The following APPL1 variants were observed in gnomAD, a reference collection of about 807,000 sequenced individuals.
APPL1 encodes DCC-interacting protein 13-alpha.
APPL1 carries 42 observed loss-of-function variants against 106.8 expected under a neutral mutation model. The ratio of observed to expected loss-of-function variants is 0.39; its 90% confidence interval spans 0.31 to 0.51. The LOEUF (loss-of-function observed/expected upper bound fraction) is 0.51. APPL1 is among the 20% of genes least tolerant of loss of function. The pLI, the probability that APPL1 is intolerant of heterozygous loss-of-function variation, is 0.75. For synonymous variants in APPL1, 263 were observed against 281.8 expected (o/e 0.93, Z 0.67); for missense variants, 769 against 858.2 (o/e 0.90, Z 1.30).
Position 57,250,514 on chromosome 3 carries a change from T to A in APPL1, c.1052+966T>A, listed in dbSNP as rs1022840799. Among the ~76,000 whole-genome samples, 5 of 152,314 alleles carry A rather than the reference T, an allele frequency of 3.3e-5. No homozygotes were observed. The East Asian group carries it at 9.6e-4, about 29-fold the overall frequency. On this transcript the variant is annotated intron_variant, in intron 11 of 21. Transcript: ENST00000288266. ...AAATTTTCAAAAAGCATGGAAAATG[T>A]AAAAAGGAGTATGAAAAAATCCTAC...
Position 57,248,115 on chromosome 3 carries a change from C to T in APPL1, c.705-78C>T, listed in dbSNP as rs544071143. 15 of 1,429,556 alleles carry T rather than the reference C, an allele frequency of 1.0e-5. No homozygotes were observed. In the African/African-American group the frequency reaches 1.7e-4, roughly 16 times the overall value. 88.6% of individuals were successfully genotyped at this position (1,429,556 alleles called of 1,614,324 possible). Reference sequence around the variant, plus strand: ...TCTCTTTAAGAAAACATACCCGAAACAAATATGCAGGTAAACATGATTGGT... The same window carrying T: ...TCTCTTTAAGAAAACATACCCGAAATAAATATGCAGGTAAACATGATTGGT... On this transcript the variant is annotated intron_variant, in intron 9 of 21. Transcript: ENST00000288266.
At position 57,227,844 on chromosome 3, in the gene APPL1, C is replaced by A; in HGVS notation, c.-40C>A. 1.4e-6 allele frequency: 2 copies of A among 1,439,662 alleles called. No homozygotes were observed. Among genetic ancestry groups the A allele is most frequent in the Admixed American group, 2.3e-5 (1 of 43,970 alleles). The allele number at this position is 1,439,662 out of a possible 1,614,324, so 89.2% of individuals were successfully genotyped here. On this transcript the variant is annotated 5_prime_UTR_variant, in exon 1 of 22. Coordinates refer to ENST00000288266, the MANE Select transcript of APPL1 (RefSeq NM_012096.3). ...GCGGGCCGGCGCGGGGAGCTGTGGG[C>A]GGCAGCTGCGTCTCCTGCCACCGCC...
intron 21 of APPL1, 95 bp from the exon 22 acceptor site, chr3:57,269,446 C>A: frequency 8.9e-7 from 1 of 1,128,034 alleles, no homozygotes; most frequent in Non-Finnish European, 1.2e-6. Context: ...ATATTTATGA[C>A]AGAAGAAGTG....
At chr3:57,269,413 C>A in intron 21 of APPL1, 128 bp from the exon 22 acceptor site, 1 of 866,802 alleles carries the variant, frequency 1.2e-6, no homozygotes, top group Non-Finnish European at 1.6e-6. Context: ...TTCTTTTTAT[C>A]AAGTTGTCAG....
intron 15 of APPL1, 53 bp downstream of exon 15, chr3:57,257,481 C>T: frequency 1.4e-6 from 2 of 1,406,582 alleles, no homozygotes; most frequent in Non-Finnish European, 9.5e-7. Context: ...GGCTTATAAT[C>T]CCCTGTCTGC....
In APPL1 at chr3:57,249,345, G is replaced by A; in HGVS notation, c.864-15G>A. 1 of 1,613,034 alleles carries A rather than the reference G, an allele frequency of 6.2e-7. No individual in the cohort carries two copies. The highest frequency in any genetic ancestry group is 8.5e-7 in the Non-Finnish European group (1 of 1,179,156). ...TATGTTGTTATTAAAGAGTGAATGT[G>A]CTTTCTTCATTCAGTAAAACAGGCT... On this transcript the variant is annotated splice_polypyrimidine_tract_variant and intron_variant, in intron 10 of 21. Transcript: ENST00000288266.
chr3:57,246,227 ATACTG>A lies in APPL1; in HGVS notation c.621+13_621+17del. 1 of 1,586,498 alleles carries A rather than the reference ATACTG, an allele frequency of 6.3e-7. No homozygotes were observed. Among genetic ancestry groups the A allele is most frequent in the Non-Finnish European group, 8.5e-7 (1 of 1,170,408 alleles). ...CTTGGGTACATGCAAGCTCAGGTAA[ATACTG>A]TACTGTATTTGGATTATAACTGTCC... is the stretch of plus-strand genomic sequence containing the variant. On this transcript the variant is annotated splice_donor_region_variant and intron_variant, in intron 8 of 21. Coordinates refer to ENST00000288266, the MANE Select transcript of APPL1 (RefSeq NM_012096.3).
Position 57,228,020 on chromosome 3 carries a change from G to A in APPL1, c.54+83G>A. The stretch of plus-strand genomic sequence containing the variant: ...TGGCGCCTCCGCGGCTCCCGCAGGT[G>A]CCCGCCCCGGCCCAGGTGGGGGCCG... On this transcript the variant is annotated intron_variant, in intron 1 of 21. Coordinates refer to ENST00000288266, the MANE Select transcript of APPL1 (RefSeq NM_012096.3). The surrounding 1 kb of genome is among the most constrained non-coding windows in gnomAD (Gnocchi z 4.6). 7 of 1,204,588 alleles carry A rather than the reference G, an allele frequency of 5.8e-6. No homozygotes were observed. In the Admixed American group the frequency reaches 2.0e-4, roughly 34 times the overall value. The allele number at this position is 1,204,588 out of a possible 1,614,324, so 74.6% of individuals were successfully genotyped here. A position where few individuals can be genotyped will look rare whatever the true frequency, so the allele number is the denominator to read the frequency against.
chr3:57,253,308 T>G (rs1173457162), intron 12 of APPL1, among the ~76,000 whole-genome samples: 1 of 152,162 alleles, frequency 6.6e-6, no homozygotes, highest in African/African-American at 2.4e-5. Flanking sequence ...GGAGGGGAAG[T>G]GATATAAAAA....
Position 57,256,940 on chromosome 3 carries a change from T to A in APPL1, c.1153-17T>A, listed in dbSNP as rs761434828. On this transcript the variant is annotated splice_polypyrimidine_tract_variant and intron_variant, in intron 13 of 21. Coordinates refer to ENST00000288266, the MANE Select transcript of APPL1 (RefSeq NM_012096.3). Reference sequence around the variant, plus strand: ...TACTTTACTAATATTAGTCCTTTTTTAAAAAAATTGAAATAGGAAACTGCT... The same window carrying A: ...TACTTTACTAATATTAGTCCTTTTTAAAAAAAATTGAAATAGGAAACTGCT... The A allele has an allele frequency of 1.6e-5, 26 of 1,611,294 alleles. No individual in the cohort carries two copies. The highest frequency in any genetic ancestry group is 4.5e-5 in the East Asian group (2 of 44,872).
intron 6 of APPL1, among the ~76,000 whole-genome samples, 172 bp from the exon 7 acceptor site, chr3:57,242,684 C>G (rs2060753024): frequency 6.6e-6 from 1 of 152,088 alleles, no homozygotes; most frequent in Non-Finnish European, 1.5e-5. Context: ...GAGAAGTAGA[C>G]ACATAATTTA....
Position 57,255,873 on chromosome 3 carries a change from T to TAA in APPL1, c.1153-1083_1153-1082insAA, listed in dbSNP as rs1291486560. Among the ~76,000 whole-genome samples, 6 of 152,332 alleles carry TAA rather than the reference T, an allele frequency of 3.9e-5. No individual in the cohort carries two copies. The South Asian group carries it at 1.2e-3, about 32-fold the overall frequency. ...TTGGATTTGAATAGTTTGTAATACT[T>TAA]ACAGTCTTTTACTACCAATTATCAG... On this transcript the variant is annotated intron_variant, in intron 13 of 21. Coordinates refer to ENST00000288266, the MANE Select transcript of APPL1 (RefSeq NM_012096.3).
intron 8 of APPL1, 41 bp downstream of exon 8, chr3:57,246,263 G>T: frequency 7.1e-7 from 1 of 1,410,638 alleles, no homozygotes; most frequent in Non-Finnish European, 9.3e-7. Context: ...TGTCCTAAAA[G>T]TTTTATATTA....
In APPL1 at chr3:57,259,039, C is replaced by G. The variant is rs1411657483; in HGVS notation, c.1442C>G (p.Pro481Arg). Residue 481 changes from proline (P) to arginine (R), a missense_variant, in exon 16 of 22, where the codon CCA becomes CGA. Physicochemically the swap from Pro to Arg is moderately radical, Grantham distance 103. Coordinates refer to ENST00000288266, the MANE Select transcript of APPL1 (RefSeq NM_012096.3). Reference sequence around the variant, plus strand: ...TCTAAACTTTTTAGGCGTACAAATCCATTTGGAGAATCTGGAGGAAGTACA... The same window carrying G: ...TCTAAACTTTTTAGGCGTACAAATCGATTTGGAGAATCTGGAGGAAGTACA... ...AFGQGGRRTN[P>R]FGESGGSTKS... 1.2e-6 allele frequency: 2 copies of G among 1,612,378 alleles called. No homozygotes were observed. Among genetic ancestry groups the G allele is most frequent in the Non-Finnish European group, 1.7e-6 (2 of 1,179,212 alleles).
intron 15 of APPL1, among the ~76,000 whole-genome samples, chr3:57,258,372 C>A (rs1330177177): frequency 2.0e-5 from 3 of 152,130 alleles, no homozygotes; most frequent in African/African-American, 7.2e-5. Flanking sequence ...GTTGCCCTAG[C>A]AGATCTCAAA....
chr3:57,246,033 TAG>T, intron 7 of APPL1, 41 bp from the exon 8 acceptor site: 5 of 1,426,620 alleles, frequency 3.5e-6, no homozygotes, highest in Non-Finnish European at 3.8e-6. Flanking sequence ...AAGTAAATAA[TAG>T]CAGATTATTT....
chr3:57,245,313 C>T (rs558281486), intron 7 of APPL1, among the ~76,000 whole-genome samples: 1 of 152,106 alleles, frequency 6.6e-6, no homozygotes, highest in South Asian at 2.1e-4. Flanking sequence ...AGGGAGCACA[C>T]GTATTTCAAG....
rs942281429 is a variant in APPL1 at position 57,246,235 on chromosome 3, C to G, written c.621+13C>G. ...CATGCAAGCTCAGGTAAATACTGTA[C>G]TGTATTTGGATTATAACTGTCCTAA... On this transcript the variant is annotated intron_variant, in intron 8 of 21. Coordinates refer to ENST00000288266, the MANE Select transcript of APPL1 (RefSeq NM_012096.3). The G allele has an allele frequency of 5.7e-6, 9 of 1,572,432 alleles. No individual in the cohort carries two copies. Among genetic ancestry groups the G allele is most frequent in the Non-Finnish European group, 7.7e-6 (9 of 1,164,262 alleles).
intron 19 of APPL1, among the ~76,000 whole-genome samples, chr3:57,265,043 T>G (rs1363983951): frequency 6.6e-6 from 1 of 152,184 alleles, no homozygotes; most frequent in Admixed American, 6.5e-5. Flanking sequence ...TTGGGTAGTA[T>G]GGACATTTTA....
Sources: allele counts gnomAD v4.1 joint callset (sites outside exome capture counted in the v4.1 genomes callset), GRCh38; gene constraint gnomAD v4.1.1; non-coding constraint Gnocchi (gnomAD v3.1); transcripts MANE v1.5; gene names NCBI Gene and HGNC (gene_info 2026-07-23, HGNC 2026-07-21).